The following COL13A1 variants were observed in gnomAD, a reference collection of about 807,000 sequenced individuals.
COL13A1 encodes the protein collagen alpha-1(XIII) chain.
In COL13A1, 89 loss-of-function variants were observed where a neutral mutation model predicts 130.9. That is an observed-to-expected ratio of 0.68 (90% CI 0.57 to 0.81). COL13A1 has a LOEUF of 0.81. Ranked by LOEUF, COL13A1 falls within the 30% of genes least tolerant of loss-of-function variation. COL13A1 has a pLI of 0.00. For missense variants in COL13A1, 879 were observed against 934.6 expected, an observed-to-expected ratio of 0.94 and a Z score of 0.78; for synonymous variants, 402 against 341.6, an observed-to-expected ratio of 1.18 and a Z score of -1.95.
rs562665654 is a variant in COL13A1 at position 69,904,922 on chromosome 10, T to G, written c.859-11T>G. Reference sequence around the variant, plus strand: ...TCTTTTTTCTTTTTTTTTTTTTTTTTGCTTCCACAGGGCTTACCTGGGCCT... The same window carrying G: ...TCTTTTTTCTTTTTTTTTTTTTTTTGGCTTCCACAGGGCTTACCTGGGCCT... On this transcript the variant is annotated splice_polypyrimidine_tract_variant and intron_variant, in intron 15 of 40. Transcript: ENST00000645393. 19 of 1,507,458 alleles carry G rather than the reference T, an allele frequency of 1.3e-5. No individual in the cohort carries two copies. The Admixed American group carries it at 3.1e-4, about 24-fold the overall frequency. 93.4% of individuals were successfully genotyped at this position (1,507,458 alleles called of 1,614,324 possible).
rs539670435 is a variant in COL13A1, at chr10:69,919,977, C to T, written c.1089+250C>T. 8.5e-5 allele frequency among the ~76,000 whole-genome samples: 13 copies of T among 152,330 alleles called. No individual in the cohort carries two copies. In the East Asian group the frequency reaches 2.3e-3, roughly 27 times the overall value. ...AGAAGGAGGAACTTGCCTCCTTCCACCTCTGCTCCCCAAGGATCCACATCC... is the reference window on the plus strand; with the variant it reads ...AGAAGGAGGAACTTGCCTCCTTCCATCTCTGCTCCCCAAGGATCCACATCC... On this transcript the variant is annotated intron_variant, in intron 21 of 40. Coordinates refer to ENST00000645393, the MANE Select transcript of COL13A1 (RefSeq NM_001368882.1).
chr10:69,823,983 C>A, intron 2 of COL13A1: 3 of 422,532 alleles, frequency 7.1e-6, no homozygotes, highest in South Asian at 3.7e-5. Flanking sequence ...GCCCTTATAA[C>A]TCTTGGGCAA....
chr10:69,947,470 G>A, intron 38 of COL13A1, 128 bp downstream of exon 38: 2 of 881,534 alleles, frequency 2.3e-6, no homozygotes, highest in Non-Finnish European at 1.7e-6. Context: ...AAATTGAAAG[G>A]CTTTACAAGG....
chr10:69,827,616 A>G (rs1847803967), intron 2 of COL13A1, among the ~76,000 whole-genome samples: 1 of 152,220 alleles, frequency 6.6e-6, no homozygotes, highest in African/African-American at 2.4e-5. Context: ...AGCCCCTTCC[A>G]GCAACAAGAG....
intron 2 of COL13A1, among the ~76,000 whole-genome samples, chr10:69,828,586 AC>A (rs1306882029): frequency 6.6e-6 from 1 of 152,192 alleles, no homozygotes; most frequent in African/African-American, 2.4e-5. Context: ...ACAGTGTCCC[AC>A]TTGCACACAA....
intron 2 of COL13A1, among the ~76,000 whole-genome samples, chr10:69,867,321 G>A (rs1273172758): frequency 6.6e-6 from 1 of 152,248 alleles, no homozygotes; most frequent in Admixed American, 6.5e-5. Flanking sequence ...AGGGTGCACA[G>A]TGGCCATCCA....
chr10:69,913,647 G>A (rs370835054), intron 17 of COL13A1, among the ~76,000 whole-genome samples: 3 of 152,018 alleles, frequency 2.0e-5, no homozygotes, highest in Admixed American at 6.5e-5. Context: ...CCACAGCGAC[G>A]ACGCTGGAGT....
chr10:69,935,367 G>A lies in COL13A1; in HGVS notation c.1746G>A (p.Gly582=), dbSNP rs772290628. 3.8e-6 allele frequency: 6 copies of A among 1,576,720 alleles called. No individual in the cohort carries two copies. The South Asian group carries it at 7.0e-5, about 18-fold the overall frequency. The change falls in exon 32 of 41, where the codon GGG becomes GGA. Residue 582 remains glycine (G), a synonymous_variant. Transcript: ENST00000645393. ...GCTTTTAGGTTCCTGGGCTGCCAGG[G>A]CCAGAGGGGCCTCCCGGACCTCCGG... The part of the protein sequence containing the change: ...NPGAEVPGLP[G]PEGPPGPPGL...
chr10:69,895,748 C>A (rs575881091), intron 13 of COL13A1, among the ~76,000 whole-genome samples, 172 bp downstream of exon 13: 2 of 152,174 alleles, frequency 1.3e-5, no homozygotes, highest in South Asian at 4.2e-4. Flanking sequence ...GATGGTGGTG[C>A]GTCTGGTGGG....
At chr10:69,883,602 A>G (rs1380746403) in intron 7 of COL13A1, among the ~76,000 whole-genome samples, 1 of 152,110 alleles carries the variant, frequency 6.6e-6, no homozygotes, top group Admixed American at 6.5e-5. Flanking sequence ...AAGCCAGGGG[A>G]TGGTTAGAGA....
At chr10:69,896,588 G>A (rs893012310) in intron 13 of COL13A1, among the ~76,000 whole-genome samples, 1 of 152,236 alleles carries the variant, frequency 6.6e-6, no homozygotes, top group Non-Finnish European at 1.5e-5. Context: ...GCCAGGCTCA[G>A]TGCCAGCTTG....
intron 1 of COL13A1, among the ~76,000 whole-genome samples, chr10:69,810,213 G>A (rs947641861): frequency 2.0e-5 from 3 of 152,130 alleles, no homozygotes; most frequent in Non-Finnish European, 4.4e-5. Flanking sequence ...ATCGCCTGGG[G>A]AGCTTTCAAA....
intron 2 of COL13A1, among the ~76,000 whole-genome samples, chr10:69,830,285 C>T (rs80031629): frequency 0.026 from 3,941 of 152,306 alleles, 78 homozygotes; most frequent in African/African-American, 0.038. Context: ...CACTGCAACA[C>T]TACTGTAGTA....
chr10:69,830,421 G>A (rs928739942), intron 2 of COL13A1, among the ~76,000 whole-genome samples: 1 of 152,172 alleles, frequency 6.6e-6, no homozygotes, highest in Non-Finnish European at 1.5e-5. Context: ...CAGGATAAAC[G>A]AGACCTTCAG....
chr10:69,909,266 C>T (rs2063110637), intron 17 of COL13A1, among the ~76,000 whole-genome samples: 1 of 152,196 alleles, frequency 6.6e-6, no homozygotes, highest in South Asian at 2.1e-4. Flanking sequence ...AAGACCCTTC[C>T]CCTTCATGCT....
intron 14 of COL13A1, among the ~76,000 whole-genome samples, chr10:69,899,396 G>T (rs1272857829): frequency 6.6e-6 from 1 of 152,218 alleles, no homozygotes; most frequent in African/African-American, 2.4e-5. Flanking sequence ...GAGGCTCAGA[G>T]AAGTGAATTG....
At chr10:69,830,232 C>T (rs1227758) in intron 2 of COL13A1, among the ~76,000 whole-genome samples, 68,579 of 152,118 alleles carry the variant, frequency 0.45, 16,180 homozygotes, top group Non-Finnish European at 0.54. Context: ...CTAGGCACTT[C>T]TGAGAGAAAT....
intron 3 of COL13A1, among the ~76,000 whole-genome samples, chr10:69,868,098 C>T (rs547672043): frequency 1.4e-5 from 2 of 144,520 alleles, no homozygotes; most frequent in African/African-American, 2.6e-5. Flanking sequence ...GTTCCTTTGT[C>T]CCCAAAGAAG....
intron 6 of COL13A1, 127 bp from the exon 7 acceptor site, chr10:69,880,376 C>T (rs2060006335): frequency 2.8e-6 from 2 of 717,684 alleles, no homozygotes; most frequent in Admixed American, 4.0e-5. Flanking sequence ...CCTCTCCTGT[C>T]CCATGGGGCC....
Sources: allele counts gnomAD v4.1 joint callset (sites outside exome capture counted in the v4.1 genomes callset), GRCh38; gene constraint gnomAD v4.1.1; transcripts MANE v1.5; gene names NCBI Gene and HGNC (gene_info 2026-07-23, HGNC 2026-07-21).